The following IL2RA variants were observed in gnomAD, a reference collection of about 807,000 sequenced individuals.
IL2RA encodes the protein interleukin 2 receptor subunit alpha.
In IL2RA, 24 loss-of-function variants were observed where a neutral mutation model predicts 37.8. The ratio of observed to expected loss-of-function variants is 0.63; its 90% CI spans 0.46 to 0.89. The LOEUF (loss-of-function observed/expected upper bound fraction) is 0.89, where lower values mean the gene tolerates loss of function less well. Ranked by LOEUF, IL2RA falls within the 40% of genes least tolerant of loss-of-function variation. The pLI is 0.00. For missense variants in IL2RA, 319 were observed against 348.6 expected (o/e 0.92, Z 0.68); for synonymous variants, 125 against 114.6 (o/e 1.09, Z -0.58).
At chr10:6,019,831 A>G (rs1176051098) in intron 5 of IL2RA, 39 bp downstream of exon 5, 1 of 1,591,950 alleles carries the variant, frequency 6.3e-7, no homozygotes, top group Non-Finnish European at 8.6e-7. Flanking sequence ...GCCCTTTTGG[A>G]CTAGGCCTCT....
rs184023299 is a variant in IL2RA at position 6,029,194 on chromosome 10, C to T, written c.65-3169G>A. Among the ~76,000 whole-genome samples, 524 of 150,624 alleles carry T rather than the reference C, an allele frequency of 3.5e-3. 3 individuals are homozygous for T. Among genetic ancestry groups the T allele is most frequent in the African/African-American group, 6.0e-3 (245 of 40,894 alleles). On this transcript the variant is annotated intron_variant, in intron 1 of 7. Transcript: ENST00000379959. This position sits in a 1 kb window ranked among gnomAD's most constrained non-coding sequence, Gnocchi z 4.6. The stretch of plus-strand genomic sequence containing the variant: ...TTTATTTATTTTTGAGACAGAGTTT[C>T]GCTCTTGTTGCCCAGGCTGGAGTGC...
chr10:6,021,583 G>A lies in IL2RA; in HGVS notation c.478C>T (p.His160Tyr), dbSNP rs773829518. ...CAGACGCTCTCAGCAGGACCTCTGT[G>A]TAGAGCCCTGTATCCCTGGACGCAC... ...YQCVQGYRAL[H>Y]RGPAESVCKM... is the part of the protein sequence containing the mutation. Residue 160 changes from histidine to tyrosine, a missense_variant, in exon 4 of 8, where the codon CAC (histidine) becomes TAC (tyrosine). By Grantham distance (83) the His-to-Tyr change is moderately conservative. Transcript: ENST00000379959. The surrounding 1 kb of genome is among the most constrained non-coding windows in gnomAD (Gnocchi z 4.9). The A allele has an allele frequency of 6.2e-7, 1 of 1,614,016 alleles. No individual in the cohort carries two copies. The highest frequency in any genetic ancestry group is 1.7e-5 in the Admixed American group (1 of 60,016).
Position 6,022,590 on chromosome 10 carries a change from C to T in IL2RA, c.368-897G>A, listed in dbSNP as rs1439971643. ...CTGTAAATATCCTCCAGAGCCTCTT[C>T]CCCAGCAGGAAGCTGGGTGGCCCTG... On this transcript the variant is annotated intron_variant, in intron 3 of 7. Coordinates refer to ENST00000379959, the MANE Select transcript of IL2RA (RefSeq NM_000417.3). The surrounding 1 kb of genome is among the most constrained non-coding windows in gnomAD (Gnocchi z 4.7). 6.6e-6 allele frequency among the ~76,000 whole-genome samples: 1 copy of T among 152,236 alleles called. No individual in the cohort carries two copies. Among genetic ancestry groups the T allele is most frequent in the East Asian group, 1.9e-4 (1 of 5,204 alleles).
intron 1 of IL2RA, among the ~76,000 whole-genome samples, chr10:6,051,801 G>A (rs867064322): frequency 2.2e-3 from 75 of 34,870 alleles, no homozygotes; most frequent in Non-Finnish European, 3.9e-3. Context: ...TTACAGACGT[G>A]AGCCATCATG....
Position 6,025,612 on chromosome 10 carries a change from C to T in IL2RA, c.256+222G>A, listed in dbSNP as rs543178206. On this transcript the variant is annotated intron_variant, in intron 2 of 7. Transcript: ENST00000379959. The surrounding 1 kb of genome is among the most constrained non-coding windows in gnomAD (Gnocchi z 4.4). Reference sequence around the variant, plus strand: ...CGGAAGTTGCAGTGAGCCGAGATCGCGTGCCATTGCACTCCAGCCTAGGCA... The same window carrying T: ...CGGAAGTTGCAGTGAGCCGAGATCGTGTGCCATTGCACTCCAGCCTAGGCA... 2.0e-5 allele frequency among the ~76,000 whole-genome samples: 3 copies of T among 151,520 alleles called. No homozygotes were observed. The highest frequency in any genetic ancestry group is 2.1e-4 in the South Asian group (1 of 4,792).
At position 6,043,626 on chromosome 10, in the gene IL2RA, T is replaced by C. The variant is rs1373288282; in HGVS notation, c.65-17601A>G. On this transcript the variant is annotated intron_variant, in intron 1 of 7. Coordinates refer to ENST00000379959, the MANE Select transcript of IL2RA (RefSeq NM_000417.3). ...CTAATTTTTGTATTTTTAGTAGAAA[T>C]GGGGTTTCACCATGTTGGCCAGGCT... Among the ~76,000 whole-genome samples the C allele has an allele frequency of 4.6e-5, 7 of 152,014 alleles. No individual in the cohort carries two copies. In the East Asian group the frequency reaches 1.3e-3, roughly 29 times the overall value.
chr10:6,014,122 ATACTT>A lies in IL2RA; in HGVS notation c.795-1231_795-1227del. 6.6e-6 allele frequency among the ~76,000 whole-genome samples: 1 copy of A among 152,190 alleles called. No individual in the cohort carries two copies. The highest frequency in any genetic ancestry group is 1.9e-4 in the East Asian group (1 of 5,192). ...GCAGGAGCTACTGCTCCCAGCCTAA[ATACTT>A]TAATTTTCCATAATGGCTATGCTTA... On this transcript the variant is annotated intron_variant, in intron 7 of 7. Coordinates refer to ENST00000379959, the MANE Select transcript of IL2RA (RefSeq NM_000417.3). This position sits in a 1 kb window ranked among gnomAD's most constrained non-coding sequence, Gnocchi z 4.4.
At chr10:6,042,809 A>T (rs1300259784) in intron 1 of IL2RA, among the ~76,000 whole-genome samples, 1 of 152,172 alleles carries the variant, frequency 6.6e-6, no homozygotes, top group African/African-American at 2.4e-5. Context: ...TAGTAATGAG[A>T]TTTTATTTTA....
At chr10:6,031,483 T>TGTATAC (rs1839584586) in intron 1 of IL2RA, among the ~76,000 whole-genome samples, 1 of 32,014 alleles carries the variant, frequency 3.1e-5, no homozygotes, top group East Asian at 1.0e-3. Flanking sequence ...TATATATATA[T>TGTATAC]ATATATATAT....
intron 1 of IL2RA, among the ~76,000 whole-genome samples, chr10:6,031,495 T>TATAC (rs1839587967): frequency 1.5e-5 from 1 of 65,574 alleles, no homozygotes; most frequent in Non-Finnish European, 2.9e-5. Flanking sequence ...TATATATATG[T>TATAC]ATATATATAT....
At chr10:6,037,131 A>G (rs1319499757) in intron 1 of IL2RA, among the ~76,000 whole-genome samples, 1 of 152,168 alleles carries the variant, frequency 6.6e-6, no homozygotes. Flanking sequence ...ATCTGCATCC[A>G]CAGCGGTTTG....
At chr10:6,016,042 C>G (rs928417534) in intron 7 of IL2RA, among the ~76,000 whole-genome samples, 5 of 152,198 alleles carry the variant, frequency 3.3e-5, no homozygotes, top group African/African-American at 9.7e-5. Flanking sequence ...CTAAATACCA[C>G]TTACTGTGGT....
chr10:6,039,403 T>C (rs1430450040), intron 1 of IL2RA: 1 of 152,244 alleles, frequency 6.6e-6, no homozygotes, highest in African/African-American at 2.4e-5. Flanking sequence ...AGAAATCTAC[T>C]ATCATAATGA....
rs1839387503 is a variant in IL2RA, at chr10:6,021,561, A to G, written c.500T>C (p.Val167Ala). The G allele has an allele frequency of 1.2e-6, 2 of 1,613,984 alleles. No homozygotes were observed. The highest frequency in any genetic ancestry group is 1.7e-6 in the Non-Finnish European group (2 of 1,180,026). ...RALHRGPAES[V>A]CKMTHGKTRW... is the part of the protein sequence containing the mutation. ...TGTCTTCCCGTGGGTCATTTTGCAGACGCTCTCAGCAGGACCTCTGTGTAG... is the reference window on the plus strand; with the variant it reads ...TGTCTTCCCGTGGGTCATTTTGCAGGCGCTCTCAGCAGGACCTCTGTGTAG... Residue 167 changes from valine to alanine, a missense_variant, in exon 4 of 8, where the codon GTC becomes GCC. By Grantham distance (64) the Val-to-Ala change is moderately conservative (BLOSUM62 0). Coordinates refer to ENST00000379959, the MANE Select transcript of IL2RA (RefSeq NM_000417.3). This position sits in a 1 kb window ranked among gnomAD's most constrained non-coding sequence, Gnocchi z 4.9.
At position 6,022,792 on chromosome 10, in the gene IL2RA, C is replaced by T. The variant is rs1031136196; in HGVS notation, c.368-1099G>A. Among the ~76,000 whole-genome samples, 2 of 115,930 alleles carry T rather than the reference C, an allele frequency of 1.7e-5. No individual in the cohort carries two copies. Among genetic ancestry groups the T allele is most frequent in the Non-Finnish European group, 2.1e-5 (1 of 47,492 alleles). 76.1% of individuals were successfully genotyped at this position (115,930 alleles called of 152,430 possible). A position where few individuals can be genotyped will look rare whatever the true frequency, so the allele number is the denominator to read the frequency against. ...AAACTGAGACAATCTTTGAAACATC[C>T]CTCAGGCAGAGCCAGCCTTCGAGAA... On this transcript the variant is annotated intron_variant, in intron 3 of 7. Coordinates refer to ENST00000379959, the MANE Select transcript of IL2RA (RefSeq NM_000417.3). This position sits in a 1 kb window ranked among gnomAD's most constrained non-coding sequence, Gnocchi z 4.7.
intron 7 of IL2RA, among the ~76,000 whole-genome samples, chr10:6,016,718 A>C (rs1589290596): frequency 6.6e-6 from 1 of 151,934 alleles, no homozygotes; most frequent in Non-Finnish European, 1.5e-5. Context: ...GATTACAGGC[A>C]CCCACCACCA....
rs1003313105 is a variant in IL2RA at position 6,015,419 on chromosome 10, C to T, written c.795-2523G>A. On this transcript the variant is annotated intron_variant, in intron 7 of 7. Coordinates refer to ENST00000379959, the MANE Select transcript of IL2RA (RefSeq NM_000417.3). The surrounding 1 kb of genome is among the most constrained non-coding windows in gnomAD (Gnocchi z 4.9). The stretch of plus-strand genomic sequence containing the variant: ...GATTCTTAATGCTGTTAGCCTAGTG[C>T]GGTGATCCTCAGAGTCTGCTCCCTG... Among the ~76,000 whole-genome samples, 2 of 152,046 alleles carry T rather than the reference C, an allele frequency of 1.3e-5. No homozygotes were observed. The highest frequency in any genetic ancestry group is 2.4e-5 in the African/African-American group (1 of 41,382).
At chr10:6,024,114 G>A in intron 3 of IL2RA, 130 bp downstream of exon 3, 1 of 715,978 alleles carries the variant, frequency 1.4e-6, no homozygotes, top group Non-Finnish European at 2.6e-6. Flanking sequence ...ATGATGTCTT[G>A]GGAGGACGGA....
rs1374000273 is a variant in IL2RA at position 6,021,524 on chromosome 10, C to A, written c.537G>T (p.Gln179His). 2.5e-6 allele frequency: 4 copies of A among 1,614,046 alleles called. No homozygotes were observed. Among genetic ancestry groups the A allele is most frequent in the Non-Finnish European group, 3.4e-6 (4 of 1,180,034 alleles). Reference sequence around the variant, plus strand: ...TTTCACCTGTGCATATGAGCTGGGGCTGGGTCCACCTTGTCTTCCCGTGGG... The same window carrying A: ...TTTCACCTGTGCATATGAGCTGGGGATGGGTCCACCTTGTCTTCCCGTGGG... Reference protein sequence around the residue: ...KMTHGKTRWTQPQLICTGEME... With the variant: ...KMTHGKTRWTHPQLICTGEME... Residue 179 changes from glutamine to histidine, a missense_variant, in exon 4 of 8, where the codon CAG becomes CAT. Physicochemically the swap from Gln to His is conservative, Grantham distance 24. Transcript: ENST00000379959. The surrounding 1 kb of genome is among the most constrained non-coding windows in gnomAD (Gnocchi z 4.9).
Sources: gnomAD v4.1 joint callset for allele counts (sites outside exome capture counted in the v4.1 genomes callset) on GRCh38, gnomAD v4.1.1 for gene constraint, Gnocchi (gnomAD v3.1) non-coding constraint, MANE v1.5 for transcripts, NCBI Gene and HGNC (gene_info 2026-07-23, HGNC 2026-07-21) for gene names.